The following ZNF248 variants were observed in gnomAD, a reference collection of about 807,000 sequenced individuals.
ZNF248 encodes zinc finger protein 248.
A neutral mutation model predicts 44.3 loss-of-function variants in ZNF248; 20 were observed. The ratio of observed to expected loss-of-function variants is 0.45; its 90% CI spans 0.32 to 0.66. ZNF248 has a LOEUF of 0.66. Ranked by LOEUF, ZNF248 falls within the 30% of genes least tolerant of loss-of-function variation. The pLI is 0.04. For missense variants in ZNF248, 654 were observed against 677.0 expected (o/e 0.97, Z 0.38); for synonymous variants, 224 against 229.0 (o/e 0.98, Z 0.20).
chr10:37,833,155 ATACATTTCTGATGGAAT>A, intron 5 of ZNF248, 39 bp from the exon 6 acceptor site: 1 of 1,533,670 alleles, frequency 6.5e-7, no homozygotes, highest in Non-Finnish European at 8.7e-7. Flanking sequence ...ATGAACCTTA[ATACATTTCTGATGGAAT>A]CAGACTTTTA....
chr10:37,788,882 T>G (rs961288168), intron 6 of ZNF248, among the ~76,000 whole-genome samples: 1 of 152,026 alleles, frequency 6.6e-6, no homozygotes, highest in Non-Finnish European at 1.5e-5. Flanking sequence ...AAGACTTTTT[T>G]TTTTTTTGAG....
chr10:37,805,553 T>C (rs553139384), intron 6 of ZNF248, among the ~76,000 whole-genome samples: 1 of 152,318 alleles, frequency 6.6e-6, no homozygotes, highest in African/African-American at 2.4e-5. Context: ...ATTCACTCTG[T>C]AAAAACCTGT....
At position 37,831,197 on chromosome 10, in the gene ZNF248, C is replaced by A; in HGVS notation, c.*418G>T. 6.5e-7 allele frequency: 1 copy of A among 1,541,190 alleles called. No homozygotes were observed. Among genetic ancestry groups the A allele is most frequent in the South Asian group, 1.2e-5 (1 of 82,376 alleles). Reference sequence around the variant, plus strand: ...TCATGTTGAGTTCCAATATACAAATCAAGCATACTCAAATTTATATATTTG... The same window carrying A: ...TCATGTTGAGTTCCAATATACAAATAAAGCATACTCAAATTTATATATTTG... On this transcript the variant is annotated 3_prime_UTR_variant, in exon 6 of 6. Transcript: ENST00000395867.
At chr10:37,788,045 G>A (rs2048084979) in intron 6 of ZNF248, among the ~76,000 whole-genome samples, 1 of 151,834 alleles carries the variant, frequency 6.6e-6, no homozygotes, top group Admixed American at 6.6e-5. Context: ...GAGGCGGGCA[G>A]ATCACCTGAG....
At chr10:37,763,501 C>T in the ZNF248 span, among the ~76,000 whole-genome samples, 2 of 152,356 alleles carry the variant, frequency 1.3e-5, no homozygotes, top group South Asian at 4.1e-4. Flanking sequence ...TCAGGTCCCA[C>T]AGGCCTTTGG....
In ZNF248 at chr10:37,837,764, G is replaced by A. The variant is rs1025061969; in HGVS notation, c.143-52C>T. On this transcript the variant is annotated intron_variant, in intron 4 of 5. Transcript: ENST00000395867. ...AGAGCTAAATAGCTTGGTTTCAGGGGCTCTGAATACATCATGGGGAAGAAA... is the reference window on the plus strand; with the variant it reads ...AGAGCTAAATAGCTTGGTTTCAGGGACTCTGAATACATCATGGGGAAGAAA... 2.6e-6 allele frequency: 4 copies of A among 1,529,148 alleles called. No individual in the cohort carries two copies. In the African/African-American group the frequency reaches 4.1e-5, roughly 16 times the overall value. The allele number at this position is 1,529,148 out of a possible 1,614,324, so 94.7% of individuals were successfully genotyped here.
At chr10:37,825,441 TTTTTC>T (rs1331984647), downstream of ZNF248, among the ~76,000 whole-genome samples, 2 of 152,052 alleles carry the variant, frequency 1.3e-5, no homozygotes, top group African/African-American at 4.8e-5. Context: ...ATTTCCAAAT[TTTTTC>T]TTTTGTTTTT....
At chr10:37,824,976 C>T (rs1201444568), downstream of ZNF248, among the ~76,000 whole-genome samples, 1 of 151,240 alleles carries the variant, frequency 6.6e-6, no homozygotes, top group Non-Finnish European at 1.5e-5. Flanking sequence ...ACGTGAGCCA[C>T]CGCACCCAGC....
chr10:37,814,868 G>A (rs1161309252), intron 6 of ZNF248, among the ~76,000 whole-genome samples: 1 of 151,964 alleles, frequency 6.6e-6, no homozygotes, highest in Non-Finnish European at 1.5e-5. Context: ...CCTCAGTGTG[G>A]GCCTCTTTGA....
At chr10:37,766,512 C>G in the ZNF248 span, among the ~76,000 whole-genome samples, 7 of 152,214 alleles carry the variant, frequency 4.6e-5, no homozygotes, top group Non-Finnish European at 1.0e-4. Context: ...CCCAGGCAAA[C>G]AGGGTCTGGA....
At chr10:37,758,859 G>A in the ZNF248 span, among the ~76,000 whole-genome samples, 1 of 152,072 alleles carries the variant, frequency 6.6e-6, no homozygotes, top group African/African-American at 2.4e-5. Context: ...GACAGTTCTG[G>A]GTGTAAAAGC....
intron 6 of ZNF248, among the ~76,000 whole-genome samples, chr10:37,812,767 A>G (rs192761197): frequency 1.1e-4 from 16 of 151,698 alleles, no homozygotes; most frequent in African/African-American, 3.1e-4. Context: ...TTTAAGGTTC[A>G]TTACAATGGT....
rs533657467 is a variant in ZNF248 at position 37,813,737 on chromosome 10, G to A, written c.330+19288C>T. On this transcript the variant is annotated intron_variant, in intron 6 of 6. Coordinates refer to the ZNF248 transcript ENST00000615949. ...CACTAGTAGTTACATTTTGGGGGAGGCCAAAGTTATGTGCGTGTGCATGTG... is the reference window on the plus strand; with the variant it reads ...CACTAGTAGTTACATTTTGGGGGAGACCAAAGTTATGTGCGTGTGCATGTG... Among the ~76,000 whole-genome samples the A allele has an allele frequency of 3.3e-5, 5 of 152,176 alleles. No homozygotes were observed. The South Asian group carries it at 8.3e-4, about 25-fold the overall frequency.
the ZNF248 span, among the ~76,000 whole-genome samples, chr10:37,769,429 C>A: frequency 6.6e-6 from 1 of 152,190 alleles, no homozygotes; most frequent in South Asian, 2.1e-4. Flanking sequence ...CCACCATGAT[C>A]AAGTGGGCTT....
chr10:37,851,768 C>CAAAAAAAAAAA (rs57501241), intron 3 of ZNF248, among the ~76,000 whole-genome samples: 3 of 32,058 alleles, frequency 9.4e-5, no homozygotes, highest in African/African-American at 1.3e-4. Flanking sequence ...TCAGAATGAC[C>CAAAAAAAAAAA]AAAAAAAAAA....
At chr10:37,773,901 T>C (rs1323100502), downstream of ZNF248, among the ~76,000 whole-genome samples, 1 of 152,152 alleles carries the variant, frequency 6.6e-6, no homozygotes, top group Non-Finnish European at 1.5e-5. Flanking sequence ...CATTAACGTC[T>C]GCCTAGCTCC....
downstream of ZNF248, among the ~76,000 whole-genome samples, chr10:37,773,773 C>A (rs1003153187): frequency 1.2e-4 from 18 of 152,142 alleles, no homozygotes; most frequent in Non-Finnish European, 2.9e-5. Flanking sequence ...ACAGCCCATG[C>A]TAATGGTCTC....
chr10:37,817,595 T>G (rs2052712711), intron 6 of ZNF248, among the ~76,000 whole-genome samples: 1 of 152,110 alleles, frequency 6.6e-6, no homozygotes, highest in South Asian at 2.1e-4. Context: ...AGGAGAAAGC[T>G]GCATCTGATT....
At chr10:37,856,167 A>T in intron 3 of ZNF248, 129 bp downstream of exon 3, 1 of 1,025,484 alleles carries the variant, frequency 9.8e-7, no homozygotes, top group Non-Finnish European at 1.4e-6. Context: ...TGGATTTGCT[A>T]CTTCAGTTTT....
Sources: allele counts gnomAD v4.1 joint callset (sites outside exome capture counted in the v4.1 genomes callset), GRCh38; gene constraint gnomAD v4.1.1; transcripts MANE v1.5; gene names NCBI Gene and HGNC (gene_info 2026-07-23, HGNC 2026-07-21).